PRSS38: variants seen among roughly 807,000 people sequenced by gnomAD.
The protein encoded by PRSS38 is marapsin 2.
PRSS38 carries 22 observed loss-of-function variants against 26.8 expected under a neutral mutation model. That is an observed-to-expected ratio of 0.82 (90% CI 0.59 to 1.17). The LOEUF is 1.17. Ranked by LOEUF, PRSS38 falls within the 50% of genes most tolerant of loss-of-function variation. The pLI is 0.00. For missense variants in PRSS38, 427 were observed against 422.7 expected, an observed-to-expected ratio of 1.01 and a Z score of -0.09; for synonymous variants, 175 against 172.1, an observed-to-expected ratio of 1.02 and a Z score of -0.13.
At chr1:227,838,547 C>A (rs1665271098) in intron 3 of PRSS38, among the ~76,000 whole-genome samples, 1 of 152,222 alleles carries the variant, frequency 6.6e-6, no homozygotes, top group Admixed American at 6.5e-5. Context: ...CCATTGTTTT[C>A]CATGGCTCTT....
intron 3 of PRSS38, among the ~76,000 whole-genome samples, chr1:227,826,578 T>C (rs1421003800): frequency 6.6e-6 from 1 of 152,106 alleles, no homozygotes; most frequent in Non-Finnish European, 1.5e-5. Flanking sequence ...TAGCTGTGCA[T>C]GGTGGCATAC....
Position 227,843,428 on chromosome 1 carries a change from C to A in PRSS38, c.584-2042C>A, listed in dbSNP as rs186806964. 4.9e-4 allele frequency among the ~76,000 whole-genome samples: 74 copies of A among 152,326 alleles called. 1 individual carries two copies. In the Middle Eastern group the frequency reaches 0.024, roughly 49 times the overall value. ...AAACAAAAAACAAAAACCAGCCGGG[C>A]GTGGTGGCTCACGCCTGTAATCCCA... On this transcript the variant is annotated intron_variant, in intron 3 of 4. Transcript: ENST00000366757.
chr1:227,841,918 T>G (rs1485528609), intron 3 of PRSS38, among the ~76,000 whole-genome samples: 1 of 152,204 alleles, frequency 6.6e-6, no homozygotes, highest in Non-Finnish European at 1.5e-5. Context: ...AGCATGGTGC[T>G]GGCATCTGCT....
At chr1:227,827,235 G>C (rs1283303587) in intron 3 of PRSS38, among the ~76,000 whole-genome samples, 2 of 152,144 alleles carry the variant, frequency 1.3e-5, no homozygotes, top group African/African-American at 4.8e-5. Flanking sequence ...TCAATTTTTT[G>C]TAATGGTTTC....
chr1:227,823,606 G>A (rs1442992310), intron 3 of PRSS38, among the ~76,000 whole-genome samples: 1 of 152,136 alleles, frequency 6.6e-6, no homozygotes, highest in Admixed American at 6.5e-5. Context: ...TTGCAGTAAT[G>A]AGTGAATTCT....
At chr1:227,815,886 G>T in intron 1 of PRSS38, 22 bp downstream of exon 1, 1 of 1,585,400 alleles carries the variant, frequency 6.3e-7, no homozygotes, top group Non-Finnish European at 8.6e-7. Context: ...CCCAGGGGCG[G>T]ATGGGCGGCT....
At chr1:227,824,542 A>G (rs1012911160) in intron 3 of PRSS38, among the ~76,000 whole-genome samples, 1 of 152,008 alleles carries the variant, frequency 6.6e-6, no homozygotes. Context: ...GCATGCATAT[A>G]TCTTTATAAT....
At chr1:227,830,581 A>C (rs1352866002) in intron 3 of PRSS38, among the ~76,000 whole-genome samples, 2 of 148,644 alleles carry the variant, frequency 1.3e-5, no homozygotes, top group African/African-American at 5.0e-5. Flanking sequence ...AGCTAACTAC[A>C]ACCTCCGCCT....
In PRSS38 at chr1:227,826,706, C is replaced by A. The variant is rs143070262; in HGVS notation, c.583+9226C>A. Among the ~76,000 whole-genome samples, 17 of 151,772 alleles carry A rather than the reference C, an allele frequency of 1.1e-4. 1 individual carries two copies. In the East Asian group the frequency reaches 3.3e-3, roughly 30 times the overall value. ...ACTCTAGCCTGAGTGACAGAGTGAA[C>A]CTCCATCTCAAGAAAAAAAAAAAAG... On this transcript the variant is annotated intron_variant, in intron 3 of 4. Transcript: ENST00000366757.
At chr1:227,842,657 C>T (rs767488450) in intron 3 of PRSS38, among the ~76,000 whole-genome samples, 11 of 151,746 alleles carry the variant, frequency 7.2e-5, no homozygotes, top group Admixed American at 1.3e-4. Context: ...TCTGGCTCAC[C>T]GCAACCTCCG....
At chr1:227,828,749 A>C (rs1196137219) in intron 3 of PRSS38, among the ~76,000 whole-genome samples, 4 of 122,404 alleles carry the variant, frequency 3.3e-5, no homozygotes, top group African/African-American at 7.5e-5. Flanking sequence ...CCTTCTCACA[A>C]GGGACCACCC....
At chr1:227,835,193 G>A (rs1293461575) in intron 3 of PRSS38, among the ~76,000 whole-genome samples, 2 of 152,214 alleles carry the variant, frequency 1.3e-5, no homozygotes, top group South Asian at 2.1e-4. Flanking sequence ...TGGCAAGGGC[G>A]TGGAGAAAGC....
At chr1:227,820,021 G>A (rs1429919421) in intron 3 of PRSS38, among the ~76,000 whole-genome samples, 6 of 150,412 alleles carry the variant, frequency 4.0e-5, no homozygotes, top group African/African-American at 1.5e-4. Context: ...CCCAGGAGGT[G>A]GAGGTTGCAG....
intron 3 of PRSS38, among the ~76,000 whole-genome samples, chr1:227,825,452 A>G (rs1665059977): frequency 1.3e-5 from 2 of 152,138 alleles, no homozygotes; most frequent in African/African-American, 4.8e-5. Flanking sequence ...AGCCTCCCAA[A>G]GTGCTGTGAT....
At chr1:227,829,639 G>T (rs1277161325) in intron 3 of PRSS38, among the ~76,000 whole-genome samples, 2 of 152,004 alleles carry the variant, frequency 1.3e-5, no homozygotes, top group Non-Finnish European at 2.9e-5. Flanking sequence ...CATTTTAATT[G>T]TTCATTGTTA....
chr1:227,833,041 A>G (rs1322078732), intron 3 of PRSS38, among the ~76,000 whole-genome samples: 2 of 152,228 alleles, frequency 1.3e-5, no homozygotes, highest in Non-Finnish European at 2.9e-5. Flanking sequence ...TTGAAAACCT[A>G]AATAAATGCA....
At chr1:227,829,454 G>A (rs544053916) in intron 3 of PRSS38, among the ~76,000 whole-genome samples, 1 of 151,834 alleles carries the variant, frequency 6.6e-6, no homozygotes, top group Non-Finnish European at 1.5e-5. Context: ...CTATTCCTTT[G>A]TCCAAAAAGT....
rs188145044 is a variant in PRSS38, at chr1:227,845,740, G to A, written c.726+128G>A. Reference sequence around the variant, plus strand: ...AGCCATGCCCCAAGCTGAGCAGGGCGATGTATGACAATGTGTGAACGCCGC... The same window carrying A: ...AGCCATGCCCCAAGCTGAGCAGGGCAATGTATGACAATGTGTGAACGCCGC... On this transcript the variant is annotated intron_variant, in intron 4 of 4. Coordinates refer to ENST00000366757, the Ensembl canonical transcript of PRSS38. 1.1e-4 allele frequency: 141 copies of A among 1,256,708 alleles called. No individual in the cohort carries two copies. In the African/African-American group the frequency reaches 1.7e-3, roughly 15 times the overall value. 77.8% of individuals were successfully genotyped at this position (1,256,708 alleles called of 1,614,324 possible). A position where few individuals can be genotyped will look rare whatever the true frequency, so the allele number is the denominator to read the frequency against.
At chr1:227,832,532 T>C (rs532637092) in intron 3 of PRSS38, among the ~76,000 whole-genome samples, 2 of 152,338 alleles carry the variant, frequency 1.3e-5, no homozygotes, top group Admixed American at 1.3e-4. Context: ...AGATTAATAC[T>C]GACTTAATTC....
Sources: allele counts gnomAD v4.1 joint callset (sites outside exome capture counted in the v4.1 genomes callset), GRCh38; gene constraint gnomAD v4.1.1; transcripts MANE v1.5; gene names NCBI Gene and HGNC (gene_info 2026-07-23, HGNC 2026-07-21).